Variants in ERAP2 observed in about 807,000 individuals in gnomAD.
The protein encoded by ERAP2 is leukocyte-derived arginine aminopeptidase.
ERAP2 carries 118 observed loss-of-function variants against 111.1 expected under a neutral mutation model. The observed-to-expected ratio is 1.06, with a 90% CI of 0.92 to 1.24. ERAP2 has a LOEUF of 1.24. ERAP2 is among the 50% of genes most tolerant of loss of function. The pLI is 0.00. For missense variants in ERAP2, 1,131 were observed against 1,125.8 expected, an observed-to-expected ratio of 1.00 and a Z score of -0.07; for synonymous variants, 410 against 401.2, an observed-to-expected ratio of 1.02 and a Z score of -0.26.
intron 5 of ERAP2, among the ~76,000 whole-genome samples, chr5:96,889,788 C>T (rs542176667): frequency 1.1e-4 from 16 of 151,974 alleles, no homozygotes; most frequent in African/African-American, 3.6e-4. Flanking sequence ...CTTCTATGCC[C>T]AGCAGCATTG....
chr5:96,915,989 A>G, intron 18 of ERAP2: 2 of 359,294 alleles, frequency 5.6e-6, no homozygotes, highest in South Asian at 5.4e-5. Flanking sequence ...TTGGGAGGCC[A>G]AGGCAGGTAG....
chr5:96,886,107 T>C (rs1232512852), intron 3 of ERAP2, among the ~76,000 whole-genome samples: 1 of 152,234 alleles, frequency 6.6e-6, no homozygotes, highest in African/African-American at 2.4e-5. Context: ...GAACTAGCCA[T>C]GTGATCTCCA....
At chr5:96,900,916 T>C (rs251341) in intron 10 of ERAP2, among the ~76,000 whole-genome samples, 94,703 of 151,906 alleles carry the variant, frequency 0.62, 29,678 homozygotes, top group South Asian at 0.73. Context: ...TCGCCCACCT[T>C]GGCCTCCCAA....
rs1313110140 is a variant in ERAP2 at position 96,889,323 on chromosome 5, A to G, written c.970+18A>G. The G allele has an allele frequency of 8.1e-6, 13 of 1,613,550 alleles. No individual in the cohort carries two copies. The highest frequency in any genetic ancestry group is 3.3e-5 in the Admixed American group (2 of 59,980). ...CAAACTGGGTATGTTCAAATTCCAC[A>G]TTATTGTCTTCATTTTTGCTCATAA... On this transcript the variant is annotated intron_variant, in intron 5 of 18. Transcript: ENST00000437043.
At chr5:96,891,387 G>A (rs113455949) in intron 5 of ERAP2, among the ~76,000 whole-genome samples, 1 of 147,048 alleles carries the variant, frequency 6.8e-6, no homozygotes, top group African/African-American at 2.6e-5. Context: ...ATATATATAT[G>A]TGTATACATA....
rs1561394970 is a variant in ERAP2, at chr5:96,909,130, T to C, written c.2169+13T>C. On this transcript the variant is annotated intron_variant, in intron 14 of 18. Coordinates refer to ENST00000437043, the MANE Select transcript of ERAP2 (RefSeq NM_022350.5). Reference sequence around the variant, plus strand: ...TGAAAACCTCAAGGTTTGTGTTGCTTTTAGAAAATGTATTAAGTAAATACA... The same window carrying C: ...TGAAAACCTCAAGGTTTGTGTTGCTCTTAGAAAATGTATTAAGTAAATACA... 1.2e-6 allele frequency: 2 copies of C among 1,612,628 alleles called. No homozygotes were observed. Among genetic ancestry groups the C allele is most frequent in the South Asian group, 2.2e-5 (2 of 91,022 alleles).
chr5:96,892,919 C>A (rs1032779211), intron 6 of ERAP2, among the ~76,000 whole-genome samples: 1 of 152,152 alleles, frequency 6.6e-6, no homozygotes, highest in Non-Finnish European at 1.5e-5. Flanking sequence ...GGTTGATGAT[C>A]CTGGGCACAT....
At chr5:96,886,886 A>G in intron 4 of ERAP2, 97 bp downstream of exon 4, 1 of 1,149,646 alleles carries the variant, frequency 8.7e-7, no homozygotes, top group South Asian at 3.2e-5. Context: ...TCAAAGTATT[A>G]TGTTTATATT....
intron 2 of ERAP2, among the ~76,000 whole-genome samples, chr5:96,883,578 AT>A (rs746394497): frequency 6.6e-6 from 1 of 152,208 alleles, no homozygotes; most frequent in Non-Finnish European, 1.5e-5. Flanking sequence ...TGTAATTAGC[AT>A]TCCCAAAACA....
At chr5:96,881,458 C>G in intron 2 of ERAP2, 3 of 456,204 alleles carry the variant, frequency 6.6e-6, no homozygotes, top group South Asian at 4.6e-5. Context: ...CTTGGTTTCC[C>G]AGGGCCAGGA....
chr5:96,891,522 T>C (rs1784381691), intron 5 of ERAP2, among the ~76,000 whole-genome samples: 1 of 31,644 alleles, frequency 3.2e-5, no homozygotes, highest in African/African-American at 1.3e-4. Context: ...TATATGCCCA[T>C]ATACGGTATA....
chr5:96,902,738 T>C, intron 12 of ERAP2: 1 of 170,594 alleles, frequency 5.9e-6, no homozygotes, highest in Admixed American at 6.1e-5. Context: ...ACTTATTAGA[T>C]GTGTGACCTT....
chr5:96,879,785 A>G lies in ERAP2; in HGVS notation c.100A>G (p.Ile34Val). Residue 34 changes from isoleucine (I) to valine (V), a missense_variant, in exon 2 of 19, where the codon ATT (isoleucine) becomes GTT (valine). This residue lies in a region of ERAP2 where 847 missense variants were observed against 856.5 expected (regional missense o/e 0.99). Coordinates refer to ENST00000437043, the MANE Select transcript of ERAP2 (RefSeq NM_022350.5). ...CLTAILPQIC[I>V]CSQFSVPSSY... is the part of the protein sequence containing the mutation. The stretch of plus-strand genomic sequence containing the variant: ...AACAGCCATCTTGCCCCAAATATGC[A>G]TTTGTTCTCAGTTCTCAGTGCCATC... The G allele has an allele frequency of 6.2e-7, 1 of 1,614,178 alleles. No individual in the cohort carries two copies. The highest frequency in any genetic ancestry group is 1.1e-5 in the South Asian group (1 of 91,092).
At chr5:96,901,758 A>G in intron 11 of ERAP2, 77 bp downstream of exon 11, 1 of 1,448,732 alleles carries the variant, frequency 6.9e-7, no homozygotes, top group Non-Finnish European at 9.4e-7. Context: ...CTCTCAGCTC[A>G]TCTGGCAACT....
chr5:96,905,375 C>T (rs1785946167), intron 13 of ERAP2, among the ~76,000 whole-genome samples: 1 of 152,052 alleles, frequency 6.6e-6, no homozygotes, highest in African/African-American at 2.4e-5. Context: ...AATTATGAGC[C>T]TTCTCTAATT....
rs967681494 is a variant in ERAP2, at chr5:96,909,678, G to T, written c.2268G>T (p.Lys756Asn). ...WDRMLRSALLKLACDLNHAPC... is the reference protein window; with the variant it reads ...WDRMLRSALLNLACDLNHAPC... ...GGATGCTCCGCTCGGCTCTCTTGAA[G>T]CTGGCCTGTGACCTGAACCATGCTC... The change falls in exon 15 of 19, where the codon AAG becomes AAT. Residue 756 changes from lysine (K) to asparagine (N), a missense_variant. Transcript: ENST00000437043. 1.9e-6 allele frequency: 3 copies of T among 1,614,090 alleles called. No individual in the cohort carries two copies. The African/African-American group carries it at 4.0e-5, about 22-fold the overall frequency.
chr5:96,898,420 A>C (rs1785085449), intron 9 of ERAP2, among the ~76,000 whole-genome samples: 1 of 151,912 alleles, frequency 6.6e-6, no homozygotes, highest in African/African-American at 2.4e-5. Context: ...ATCCTGAGAC[A>C]TATTCAAATA....
chr5:96,887,073 GTATA>G (rs35218383), intron 4 of ERAP2, among the ~76,000 whole-genome samples: 76 of 87,192 alleles, frequency 8.7e-4, no homozygotes, highest in African/African-American at 2.7e-3. Context: ...AATTTTCAAA[GTATA>G]TATATATATA....
intron 5 of ERAP2, among the ~76,000 whole-genome samples, chr5:96,889,693 T>C (rs543741815): frequency 5.3e-5 from 8 of 152,278 alleles, no homozygotes; most frequent in African/African-American, 1.7e-4. Context: ...TCCAAGATGC[T>C]GTGGCTCCCT....
Sources: gnomAD v4.1 joint callset for allele counts (sites outside exome capture counted in the v4.1 genomes callset) on GRCh38, gnomAD v4.1.1 for gene constraint, gnomAD v4.1.1 regional missense constraint, MANE v1.5 for transcripts, NCBI Gene and HGNC (gene_info 2026-07-23, HGNC 2026-07-21) for gene names.